Variants in DRC3 observed in about 807,000 individuals in gnomAD.
The protein encoded by DRC3 is leucine rich repeat containing 48.
Under a neutral mutation model 57.6 loss-of-function variants are expected in DRC3, and 45 were observed. The ratio of observed to expected loss-of-function variants is 0.78; its 90% CI spans 0.62 to 1.00. The LOEUF (loss-of-function observed/expected upper bound fraction) is 1.00. Among genes scored for constraint, DRC3 ranks in the 50% least tolerant of loss-of-function variants. The pLI, the probability that DRC3 is intolerant of heterozygous loss-of-function variation, is 0.00. For synonymous variants in DRC3, 257 were observed against 272.3 expected, an observed-to-expected ratio of 0.94 and a Z score of 0.55; for missense variants, 655 against 675.2, an observed-to-expected ratio of 0.97 and a Z score of 0.33.
intron 5 of DRC3, among the ~76,000 whole-genome samples, chr17:17,992,248 C>G (rs993141399): frequency 6.6e-6 from 1 of 152,212 alleles, no homozygotes; most frequent in Non-Finnish European, 1.5e-5. Context: ...GCACTCCAGC[C>G]TGGGCAACAG....
At chr17:17,988,154 G>C in intron 5 of DRC3, 56 bp downstream of exon 5, 2 of 1,543,862 alleles carry the variant, frequency 1.3e-6, no homozygotes, top group South Asian at 1.2e-5. Context: ...GGAGCGCCGT[G>C]GGTTGAGTGG....
At chr17:18,011,234 G>A in intron 12 of DRC3, 1 of 259,354 alleles carries the variant, frequency 3.9e-6, no homozygotes, top group South Asian at 3.6e-5. Flanking sequence ...TGGGATTACA[G>A]GCGTGAGCCG....
At position 17,973,135 on chromosome 17, in the gene DRC3, GACAGCCAAGAC is replaced by G. The variant is rs577805640; in HGVS notation, c.-129+164_-129+174del. 4 of 150,714 alleles carry G rather than the reference GACAGCCAAGAC, an allele frequency of 2.7e-5. No individual in the cohort carries two copies. The South Asian group carries it at 8.4e-4, about 32-fold the overall frequency. 9.3% of individuals were successfully genotyped at this position (150,714 alleles called of 1,614,324 possible). On this transcript the variant is annotated intron_variant, in intron 1 of 13. Coordinates refer to ENST00000399187, the MANE Select transcript of DRC3 (RefSeq NM_031294.4). ...TCCCAGCCACTTTACAGTCGTGTGAGACAGCCAAGACACTTTAGTCCTGGGCTTGTCAAGCT... is the reference window on the plus strand; with the variant it reads ...TCCCAGCCACTTTACAGTCGTGTGAGACTTTAGTCCTGGGCTTGTCAAGCT...
At chr17:17,975,281 G>A (rs1163114451) in intron 2 of DRC3, among the ~76,000 whole-genome samples, 6 of 149,396 alleles carry the variant, frequency 4.0e-5, no homozygotes, top group African/African-American at 1.2e-4. Flanking sequence ...GCACGATCTC[G>A]GCTCACTGCA....
At chr17:18,007,530 G>T in intron 12 of DRC3, 1 of 1,533,944 alleles carries the variant, frequency 6.5e-7, no homozygotes. Context: ...TGAGTACTGT[G>T]GGGGTGTTGG....
intron 9 of DRC3, among the ~76,000 whole-genome samples, chr17:17,998,078 T>G (rs2043537626): frequency 6.6e-6 from 1 of 152,222 alleles, no homozygotes; most frequent in African/African-American, 2.4e-5. Flanking sequence ...CTGGACATGG[T>G]TCCTGCCCTT....
intron 5 of DRC3, among the ~76,000 whole-genome samples, chr17:17,989,027 G>A (rs144006469): frequency 6.6e-5 from 10 of 152,292 alleles, no homozygotes; most frequent in Non-Finnish European, 7.3e-5. Flanking sequence ...TGAATGTAAC[G>A]CATTTGGTTC....
chr17:17,977,819 C>T, intron 3 of DRC3, 61 bp downstream of exon 3: 2 of 1,491,414 alleles, frequency 1.3e-6, no homozygotes, highest in Non-Finnish European at 1.8e-6. Context: ...TTCTCTGCTC[C>T]ATCTTCAAGC....
intron 12 of DRC3, 88 bp downstream of exon 12, chr17:18,007,235 A>T: frequency 1.6e-6 from 1 of 618,734 alleles, no homozygotes; most frequent in Non-Finnish European, 2.3e-6. Flanking sequence ...AAGCCTGACA[A>T]CCTCCCAGAG....
At chr17:17,998,980 G>T (rs1293790260) in intron 9 of DRC3, among the ~76,000 whole-genome samples, 7 of 152,216 alleles carry the variant, frequency 4.6e-5, no homozygotes, top group African/African-American at 1.7e-4. Context: ...AGTGGCAGTT[G>T]TCCCCTCTGG....
In DRC3 at chr17:17,994,383, G is replaced by T; in HGVS notation, c.676G>T (p.Glu226Ter). ...ENLMQAQLEDEQAQREELEKH... is the reference protein window; with the variant it reads ...ENLMQAQLED ...CCTGATGCAGGCCCAGCTGGAGGAC[G>T]AGCAGGCGCAGCGGGAGGAGCTAGA... Residue 226 changes from glutamate to a stop codon, truncating the protein, a stop_gained, in exon 7 of 14, where the codon GAG (glutamate) becomes TAG (stop). Transcript: ENST00000399187. LOFTEE classifies it high-confidence loss of function. 1.3e-6 allele frequency: 2 copies of T among 1,554,522 alleles called. No homozygotes were observed. The highest frequency in any genetic ancestry group is 1.2e-5 in the South Asian group (1 of 84,144).
intron 10 of DRC3, 66 bp from the exon 11 acceptor site, chr17:18,006,117 G>A: frequency 8.3e-7 from 1 of 1,198,422 alleles, no homozygotes; most frequent in Non-Finnish European, 1.2e-6. Context: ...AAATTTTGAG[G>A]AGTACCTTTT....
intron 9 of DRC3, among the ~76,000 whole-genome samples, chr17:18,002,092 T>C (rs1038956491): frequency 3.3e-5 from 5 of 152,022 alleles, no homozygotes; most frequent in African/African-American, 9.6e-5. Flanking sequence ...CGCTGGAAAC[T>C]GGGAGACAGA....
At chr17:18,006,497 T>A (rs998686805) in intron 11 of DRC3, 6 of 561,166 alleles carry the variant, frequency 1.1e-5, no homozygotes, top group Non-Finnish European at 1.9e-5. Context: ...ACGCCCCCTG[T>A]GTTGCAGGCA....
At chr17:18,001,716 A>C (rs1274245363) in intron 9 of DRC3, among the ~76,000 whole-genome samples, 2 of 152,058 alleles carry the variant, frequency 1.3e-5, no homozygotes, top group Non-Finnish European at 2.9e-5. Context: ...AGATCGCTTG[A>C]GCCCAGCAGT....
rs530836235 is a variant in DRC3 at position 18,008,851 on chromosome 17, C to A, written c.1326+1704C>A. On this transcript the variant is annotated intron_variant, in intron 12 of 13. Transcript: ENST00000399187. This position sits in a 1 kb window ranked among gnomAD's most constrained non-coding sequence, Gnocchi z 4.3. ...CAGCACAGCTCCCATGTCTGTGACA[C>A]CCAGAAGGCACAGGACTGAAACGTG... is the stretch of plus-strand genomic sequence containing the variant. Among the ~76,000 whole-genome samples, 23 of 152,194 alleles carry A rather than the reference C, an allele frequency of 1.5e-4. No homozygotes were observed. Among genetic ancestry groups the A allele is most frequent in the Non-Finnish European group, 2.9e-4 (20 of 68,032 alleles).
At chr17:17,999,747 A>C (rs1408823599) in intron 9 of DRC3, among the ~76,000 whole-genome samples, 6 of 152,238 alleles carry the variant, frequency 3.9e-5, no homozygotes, top group Non-Finnish European at 8.8e-5. Context: ...TGTAGTGAGA[A>C]ACAGAGAGGG....
intron 4 of DRC3, 88 bp downstream of exon 4, chr17:17,984,032 C>A (rs552255837): frequency 2.5e-6 from 2 of 789,080 alleles, no homozygotes; most frequent in Non-Finnish European, 4.2e-6. Context: ...TAATTGTGTG[C>A]GACACTCAGC....
intron 11 of DRC3, 46 bp downstream of exon 11, chr17:18,006,299 C>A: frequency 7.1e-7 from 1 of 1,409,894 alleles, no homozygotes; most frequent in Non-Finnish European, 1.0e-6. Flanking sequence ...TGCTACAGAG[C>A]CCCTGGGCTT....
Sources: allele counts gnomAD v4.1 joint callset (sites outside exome capture counted in the v4.1 genomes callset), GRCh38; gene constraint gnomAD v4.1.1; non-coding constraint Gnocchi (gnomAD v3.1); transcripts MANE v1.5; gene names NCBI Gene and HGNC (gene_info 2026-07-23, HGNC 2026-07-21).